RNF126: variants seen among roughly 807,000 people sequenced by gnomAD.
RNF126 encodes the protein ring finger protein 126, also known as E3 ubiquitin-protein ligase RNF126.
Under a neutral mutation model 41.9 loss-of-function variants are expected in RNF126, and 20 were observed. The observed-to-expected ratio is 0.48, with a 90% CI of 0.34 to 0.69. The LOEUF (loss-of-function observed/expected upper bound fraction) is 0.69, where lower values mean the gene tolerates loss of function less well. Among genes scored for constraint, RNF126 ranks in the 30% least tolerant of loss-of-function variants. The pLI is 0.01. For missense variants in RNF126, 433 were observed against 460.6 expected (o/e 0.94, Z 0.55); for synonymous variants, 239 against 202.9 (o/e 1.18, Z -1.51).
intron 1 of RNF126, among the ~76,000 whole-genome samples, chr19:656,178 G>A (rs1216177571): frequency 6.6e-6 from 1 of 152,098 alleles, no homozygotes; most frequent in Non-Finnish European, 1.5e-5. Context: ...ATTATATGGT[G>A]TGTGAAAATA....
In RNF126 at chr19:648,548, C is replaced by A. The variant is rs563608344; in HGVS notation, c.671-61G>T. 85 of 1,332,834 alleles carry A rather than the reference C, an allele frequency of 6.4e-5. No homozygotes were observed. In the African/African-American group the frequency reaches 1.2e-3, roughly 18 times the overall value. 82.6% of individuals were successfully genotyped at this position (1,332,834 alleles called of 1,614,324 possible). On this transcript the variant is annotated intron_variant, in intron 7 of 8. Transcript: ENST00000292363. The stretch of plus-strand genomic sequence containing the variant: ...GGGGGGCCTGCCGAGCCTTCAAGGG[C>A]AGGCTACTCCACAGCCTCAGCCGGA...
At chr19:653,187 A>G (rs1286372688) in intron 1 of RNF126, among the ~76,000 whole-genome samples, 2 of 151,370 alleles carry the variant, frequency 1.3e-5, no homozygotes, top group African/African-American at 4.9e-5. Context: ...CCCCACCGTG[A>G]CGGGCGTCAC....
chr19:657,911 G>A (rs1248881845), intron 1 of RNF126, among the ~76,000 whole-genome samples: 1 of 152,140 alleles, frequency 6.6e-6, no homozygotes, highest in Non-Finnish European at 1.5e-5. Context: ...CAAGGGCACA[G>A]CCAAGAGACC....
intron 1 of RNF126, among the ~76,000 whole-genome samples, chr19:660,657 G>A (rs3787007): frequency 0.042 from 6,401 of 152,266 alleles, 177 homozygotes; most frequent in Non-Finnish European, 0.059. Flanking sequence ...TTGAGACAGC[G>A]TCTTGCTTGT....
intron 5 of RNF126, 83 bp from the exon 6 acceptor site, chr19:649,831 G>A: frequency 8.8e-7 from 1 of 1,135,358 alleles, no homozygotes. Context: ...AGGGGCCCAG[G>A]CTGGGGATGG....
intron 1 of RNF126, among the ~76,000 whole-genome samples, chr19:661,750 G>A (rs1404621203): frequency 2.6e-5 from 4 of 152,142 alleles, no homozygotes; most frequent in Non-Finnish European, 4.4e-5. Context: ...TCTCTTACGG[G>A]TCAAAGCGTA....
At chr19:650,039 C>T (rs2030197389) in intron 5 of RNF126, among the ~76,000 whole-genome samples, 195 bp downstream of exon 5, 1 of 145,006 alleles carries the variant, frequency 6.9e-6, no homozygotes, top group Non-Finnish European at 1.5e-5. Flanking sequence ...CAGGCACCCC[C>T]ACCCACTCAC....
intron 1 of RNF126, among the ~76,000 whole-genome samples, chr19:654,642 CAAAAAAAAAAAAAAAA>C (rs56141012): frequency 3.3e-4 from 8 of 24,606 alleles, no homozygotes; most frequent in African/African-American, 4.4e-4. Context: ...GACTCCGTCT[CAAAAAAAAAAAAAAAA>C]AAAAAAAAAA....
Position 651,963 on chromosome 19 carries a change from C to A in RNF126, c.199-108G>T, listed in dbSNP as rs1327915903. 2.8e-6 allele frequency: 3 copies of A among 1,069,912 alleles called. No individual in the cohort carries two copies. In the East Asian group the frequency reaches 7.8e-5, roughly 28 times the overall value. 66.3% of individuals were successfully genotyped at this position (1,069,912 alleles called of 1,614,324 possible). A position where few individuals can be genotyped will look rare whatever the true frequency, so the allele number is the denominator to read the frequency against. Reference sequence around the variant, plus strand: ...AAAGCAAGACGGGCCCTGCTGGGTGCCGGGTGGGAGGGAGACGCAGACAGG... The same window carrying A: ...AAAGCAAGACGGGCCCTGCTGGGTGACGGGTGGGAGGGAGACGCAGACAGG... On this transcript the variant is annotated intron_variant, in intron 3 of 8. Coordinates refer to ENST00000292363, the MANE Select transcript of RNF126 (RefSeq NM_194460.3).
At position 648,446 on chromosome 19, in the gene RNF126, G is replaced by A. The variant is rs756016388; in HGVS notation, c.712C>T (p.Leu238=). The A allele has an allele frequency of 4.4e-6, 7 of 1,590,712 alleles. No homozygotes were observed. The African/African-American group carries it at 9.4e-5, about 21-fold the overall frequency. The change falls in exon 8 of 9, where the codon CTG becomes TTG. Residue 238 remains leucine (L), a synonymous_variant. Coordinates refer to ENST00000292363, the MANE Select transcript of RNF126 (RefSeq NM_194460.3). The part of the protein sequence containing the change: ...ECPVCKDDYA[L]GERVRQLPCN... ...GGCAGCTGCCGCACACGCTCACCCAGCGCGTAGTCGTCCTTGCACACAGGG... is the reference window on the plus strand; with the variant it reads ...GGCAGCTGCCGCACACGCTCACCCAACGCGTAGTCGTCCTTGCACACAGGG...
Position 663,155 on chromosome 19 carries a change from C to G in RNF126, c.-34G>C, listed in dbSNP as rs1307239392. 2.4e-5 allele frequency: 26 copies of G among 1,093,210 alleles called. No homozygotes were observed. The highest frequency in any genetic ancestry group is 4.0e-5 in the South Asian group (1 of 24,726). The allele number at this position is 1,093,210 out of a possible 1,614,324, so 67.7% of individuals were successfully genotyped here. On this transcript the variant is annotated 5_prime_UTR_variant, in exon 1 of 9. Transcript: ENST00000292363. Reference sequence around the variant, plus strand: ...CCACCTACTCCGCGCCGCCCGCCCCCCGCGCGGCACCCGCCGCCGGCCGTT... The same window carrying G: ...CCACCTACTCCGCGCCGCCCGCCCCGCGCGCGGCACCCGCCGCCGGCCGTT...
In RNF126 at chr19:658,785, CCTT is replaced by C. The variant is rs1486213880; in HGVS notation, c.75+4259_75+4261del. On this transcript the variant is annotated intron_variant, in intron 1 of 8. Transcript: ENST00000292363. ...GCCTCGGCCCAGGCCCCGAACTCTG[CCTT>C]CTTCTTCCCAGGTGGCTTCAGGCAC... Among the ~76,000 whole-genome samples the C allele has an allele frequency of 2.0e-5, 3 of 152,220 alleles. No homozygotes were observed. The East Asian group carries it at 5.8e-4, about 29-fold the overall frequency.
chr19:649,703 G>A lies in RNF126; in HGVS notation c.552C>T (p.Asn184=), dbSNP rs140879471. Reference sequence around the variant, plus strand: ...CCTGTGTGATGATGGCATCCAGGCCGTTGGCCCCCCAGGCGTAGTCCATAG... The same window carrying A: ...CCTGTGTGATGATGGCATCCAGGCCATTGGCCCCCCAGGCGTAGTCCATAG... ...SNPMDYAWGA[N]GLDAIITQLL... The change falls in exon 6 of 9, where the codon AAC becomes AAT. Residue 184 remains asparagine, a synonymous_variant. Coordinates refer to ENST00000292363, the MANE Select transcript of RNF126 (RefSeq NM_194460.3). The A allele has an allele frequency of 2.0e-5, 32 of 1,569,010 alleles. No homozygotes were observed. Among genetic ancestry groups the A allele is most frequent in the Admixed American group, 2.0e-4 (11 of 54,860 alleles).
chr19:651,543 A>G (rs116680040), intron 4 of RNF126, 68 bp downstream of exon 4: 57,651 of 1,356,266 alleles, frequency 0.043, 1,363 homozygotes, highest in African/African-American at 0.098. Flanking sequence ...CCCGTGCTGG[A>G]TTCTAAGCGC....
chr19:650,785 G>A (rs991618969), intron 4 of RNF126, among the ~76,000 whole-genome samples: 2 of 152,032 alleles, frequency 1.3e-5, no homozygotes, highest in African/African-American at 2.4e-5. Context: ...TAGAGACGGA[G>A]TTTCATCATA....
rs1258360098 is a variant in RNF126 at position 650,181 on chromosome 19, C to G, written c.506+53G>C. The G allele has an allele frequency of 2.9e-6, 4 of 1,379,866 alleles. No homozygotes were observed. In the Admixed American group the frequency reaches 9.3e-5, roughly 32 times the overall value. The allele number at this position is 1,379,866 out of a possible 1,614,324, so 85.5% of individuals were successfully genotyped here. On this transcript the variant is annotated intron_variant, in intron 5 of 8. Coordinates refer to ENST00000292363, the MANE Select transcript of RNF126 (RefSeq NM_194460.3). The stretch of plus-strand genomic sequence containing the variant: ...GGGGATGGGGACAGGCACCCCCACC[C>G]ACTCACCAGGGACCCAGGCTGGGGA...
rs2030053603 is a variant in RNF126, at chr19:648,144, G to A, written c.920C>T (p.Ala307Val). 6 of 1,595,314 alleles carry A rather than the reference G, an allele frequency of 3.8e-6. No individual in the cohort carries two copies. Among genetic ancestry groups the A allele is most frequent in the Admixed American group, 1.7e-5 (1 of 58,908 alleles). Residue 307 changes from alanine to valine, a missense_variant, in exon 9 of 9, where the codon GCC becomes GTC. By Grantham distance (64) the Ala-to-Val change is moderately conservative. This residue lies in a region of RNF126 where 63 missense variants were observed against 47.9 expected (regional missense o/e 1.32). Coordinates refer to ENST00000292363, the MANE Select transcript of RNF126 (RefSeq NM_194460.3). ...SSSSSPSNEN[A>V]TSNS is the part of the protein sequence containing the mutation. ...GACGTGGGCTCACGAGTTGCTTGTG[G>A]CGTTCTCGTTGCTGGGCGAGCTGGA...
rs1392860832 is a variant in RNF126 at position 663,130 on chromosome 19, C to A, written c.-9G>T. 1.2e-5 allele frequency: 15 copies of A among 1,242,118 alleles called. No individual in the cohort carries two copies. In the African/African-American group the frequency reaches 2.4e-4, roughly 20 times the overall value. 76.9% of individuals were successfully genotyped at this position (1,242,118 alleles called of 1,614,324 possible). On this transcript the variant is annotated 5_prime_UTR_variant, in exon 1 of 9. Coordinates refer to ENST00000292363, the MANE Select transcript of RNF126 (RefSeq NM_194460.3). ...GGCGACGCCTCGGCCATGGCCGCCG[C>A]CACCTACTCCGCGCCGCCCGCCCCC...
chr19:647,695 C>A lies in RNF126; in HGVS notation c.*433G>T, dbSNP rs569675451. 26 of 208,174 alleles carry A rather than the reference C, an allele frequency of 1.2e-4. No individual in the cohort carries two copies. Among genetic ancestry groups the A allele is most frequent in the Non-Finnish European group, 1.0e-4 (10 of 100,064 alleles). 12.9% of individuals were successfully genotyped at this position (208,174 alleles called of 1,614,324 possible). On this transcript the variant is annotated 3_prime_UTR_variant, in exon 9 of 9. Transcript: ENST00000292363. ...GGCCGAGGGGGAGGCTGGGGGCCCA[C>A]GTGGCCCGTCCTGGCGGCACCTGCA...
Sources: allele counts gnomAD v4.1 joint callset (sites outside exome capture counted in the v4.1 genomes callset), GRCh38; gene constraint gnomAD v4.1.1; regional missense constraint gnomAD v4.1.1; transcripts MANE v1.5; gene names NCBI Gene and HGNC (gene_info 2026-07-23, HGNC 2026-07-21).